Variants in ITGAL observed in about 807,000 individuals in gnomAD.
ITGAL encodes the protein integrin alpha-L.
In ITGAL, 68 loss-of-function variants were observed where a neutral mutation model predicts 138.4. The observed-to-expected ratio is 0.49, with a 90% CI of 0.40 to 0.60. ITGAL has a LOEUF of 0.60. ITGAL is among the 20% of genes least tolerant of loss of function. The pLI is 0.00. For missense variants in ITGAL, 1,256 were observed against 1,478.6 expected (o/e 0.85, Z 2.47); for synonymous variants, 561 against 584.3 (o/e 0.96, Z 0.57).
At chr16:30,517,498 T>G in intron 26 of ITGAL, 151 bp from the exon 27 acceptor site, 1 of 669,984 alleles carries the variant, frequency 1.5e-6, no homozygotes, top group Non-Finnish European at 2.7e-6. Flanking sequence ...GCTGGGTGTA[T>G]GGAGAGTAAG....
intron 29 of ITGAL, among the ~76,000 whole-genome samples, chr16:30,519,166 T>C (rs1032996725): frequency 6.6e-6 from 1 of 152,168 alleles, no homozygotes; most frequent in Admixed American, 6.5e-5. Context: ...GAGGTGGCAG[T>C]GAGCTGAGAT....
intron 9 of ITGAL, among the ~76,000 whole-genome samples, chr16:30,488,548 T>C (rs919826494): frequency 1.3e-5 from 2 of 151,022 alleles, no homozygotes; most frequent in Non-Finnish European, 3.0e-5. Context: ...CTACTAAAAA[T>C]ACAAAAATTA....
chr16:30,473,989 C>A, intron 1 of ITGAL: 1 of 688,456 alleles, frequency 1.5e-6, no homozygotes, highest in South Asian at 1.5e-5. Flanking sequence ...AAGTTGTATC[C>A]TCAGGCCCTG....
intron 17 of ITGAL, among the ~76,000 whole-genome samples, chr16:30,500,031 G>A (rs966124853): frequency 6.7e-5 from 10 of 148,484 alleles, no homozygotes; most frequent in African/African-American, 2.0e-4. Flanking sequence ...TTACAGGCAT[G>A]AGCCATCGCT....
At chr16:30,485,814 G>A (rs1309315937) in intron 9 of ITGAL, among the ~76,000 whole-genome samples, 4 of 152,150 alleles carry the variant, frequency 2.6e-5, no homozygotes, top group East Asian at 3.9e-4. Flanking sequence ...GATTACAGGC[G>A]TGAGCCACTG....
chr16:30,494,430 C>A lies in ITGAL; in HGVS notation c.1365+67C>A. 2 of 1,473,634 alleles carry A rather than the reference C, an allele frequency of 1.4e-6. No homozygotes were observed. Among genetic ancestry groups the A allele is most frequent in the African/African-American group, 1.4e-5 (1 of 71,740 alleles). The allele number at this position is 1,473,634 out of a possible 1,614,324, so 91.3% of individuals were successfully genotyped here. A position where few individuals can be genotyped will look rare whatever the true frequency, so the allele number is the denominator to read the frequency against. ...GGACACACATCACACTCCCTTCTGT[C>A]CTTTGAATGCTCATCCACTTACCAT... On this transcript the variant is annotated intron_variant, in intron 12 of 30. Coordinates refer to ENST00000356798, the MANE Select transcript of ITGAL (RefSeq NM_002209.3). The surrounding 1 kb of genome is among the most constrained non-coding windows in gnomAD (Gnocchi z 4.2).
intron 23 of ITGAL, 30 bp downstream of exon 23, chr16:30,510,990 T>C (rs769528671): frequency 1.9e-6 from 3 of 1,611,766 alleles, no homozygotes; most frequent in Non-Finnish European, 2.5e-6. Flanking sequence ...ATCCCTGCCA[T>C]GGTCTCAGAC....
intron 28 of ITGAL, 52 bp from the exon 29 acceptor site, chr16:30,518,572 T>TGGGTTCTGTCCTCGTTCTCCC: frequency 7.6e-7 from 1 of 1,308,160 alleles, no homozygotes; most frequent in East Asian, 2.3e-5. Context: ...CAAAAGCCAG[T>TGGGTTCTGTCCTCGTTCTCCC]GGGTTCTGTC....
At chr16:30,505,078 G>A (rs930011055) in intron 18 of ITGAL, 166 bp from the exon 19 acceptor site, 4 of 495,436 alleles carry the variant, frequency 8.1e-6, no homozygotes, top group Non-Finnish European at 1.1e-5. Flanking sequence ...GCAGTAGGCT[G>A]AGGCAGCAGA....
chr16:30,522,293 C>T lies in ITGAL; in HGVS notation c.*628C>T, dbSNP rs149436585. ...CCTTTCTCCCAGGCCAGGCTCCTTC[C>T]TGTCTTCCTGCATTCACCCAGACAG... On this transcript the variant is annotated 3_prime_UTR_variant, in exon 31 of 31. Coordinates refer to ENST00000356798, the MANE Select transcript of ITGAL (RefSeq NM_002209.3). This position sits in a 1 kb window ranked among gnomAD's most constrained non-coding sequence, Gnocchi z 4.0. 6.5e-6 allele frequency: 1 copy of T among 152,732 alleles called. No individual in the cohort carries two copies. Among genetic ancestry groups the T allele is most frequent in the South Asian group, 2.1e-4 (1 of 4,832 alleles). 9.5% of individuals were successfully genotyped at this position (152,732 alleles called of 1,614,324 possible). A position where few individuals can be genotyped will look rare whatever the true frequency, so the allele number is the denominator to read the frequency against.
intron 2 of ITGAL, chr16:30,474,693 T>G (rs530010539): frequency 3.8e-5 from 7 of 184,114 alleles, no homozygotes; most frequent in Admixed American, 3.8e-4. Flanking sequence ...AATCAAGGAT[T>G]GAATGAATGT....
rs77787455 is a variant in ITGAL, at chr16:30,475,704, G to A, written c.327+124G>A. 166 of 466,892 alleles carry A rather than the reference G, an allele frequency of 3.6e-4. No homozygotes were observed. In the African/African-American group the frequency reaches 3.6e-3, roughly 10 times the overall value. 28.9% of individuals were successfully genotyped at this position (466,892 alleles called of 1,614,324 possible). On this transcript the variant is annotated intron_variant, in intron 4 of 30. Coordinates refer to ENST00000356798, the MANE Select transcript of ITGAL (RefSeq NM_002209.3). ...TGGTCAAAGGCATCAGAGTCAATTA[G>A]TGTTTATTGAGAACCAATGATGAAC...
At position 30,475,104 on chromosome 16, in the gene ITGAL, C is replaced by T. The variant is rs189682476; in HGVS notation, c.165-202C>T. ...AAGTTCCTGACCTCAGGTGATCCAC[C>T]GACATCGGCCTCCCAAAGTACTTTG... On this transcript the variant is annotated intron_variant, in intron 2 of 30. Coordinates refer to ENST00000356798, the MANE Select transcript of ITGAL (RefSeq NM_002209.3). Among the ~76,000 whole-genome samples the T allele has an allele frequency of 3.9e-5, 6 of 152,182 alleles. No individual in the cohort carries two copies. In the South Asian group the frequency reaches 6.2e-4, roughly 16 times the overall value.
rs1406300084 is a variant in ITGAL, at chr16:30,479,126, G to C, written c.363G>C (p.Gln121His). 1.9e-6 allele frequency: 3 copies of C among 1,614,022 alleles called. No individual in the cohort carries two copies. The highest frequency in any genetic ancestry group is 2.5e-6 in the Non-Finnish European group (3 of 1,180,042). ...CDPGLSRTCDQNTYLSGLCYL... is the reference protein window; with the variant it reads ...CDPGLSRTCDHNTYLSGLCYL... ...CTGGGCTGTCTCGAACGTGTGACCA[G>C]AACACCTATCTGAGTGGCCTGTGTT... is the stretch of plus-strand genomic sequence containing the variant. The change falls in exon 5 of 31, where the codon CAG becomes CAC. Residue 121 changes from glutamine (Q) to histidine (H), a missense_variant. This residue lies in a region of ITGAL where 212 missense variants were observed against 217.4 expected (regional missense o/e 0.98). Coordinates refer to ENST00000356798, the MANE Select transcript of ITGAL (RefSeq NM_002209.3).
chr16:30,522,258 G>A lies in ITGAL; in HGVS notation c.*593G>A, dbSNP rs778903121. 5.2e-5 allele frequency: 8 copies of A among 152,630 alleles called. No individual in the cohort carries two copies. The highest frequency in any genetic ancestry group is 6.8e-3 in the Middle Eastern group (2 of 294). The allele number at this position is 152,630 out of a possible 1,614,324, so 9.5% of individuals were successfully genotyped here. On this transcript the variant is annotated 3_prime_UTR_variant, in exon 31 of 31. Transcript: ENST00000356798. This position sits in a 1 kb window ranked among gnomAD's most constrained non-coding sequence, Gnocchi z 4.0. ...GTGATGCCTCCCTGTTGAAGCTCTG[G>A]TGACACCAGCCTTTCTCCCAGGCCA...
chr16:30,520,520 A>G (rs1159489762), intron 30 of ITGAL, among the ~76,000 whole-genome samples: 2 of 152,184 alleles, frequency 1.3e-5, no homozygotes, highest in Non-Finnish European at 2.9e-5. Flanking sequence ...CTGGGAGAGG[A>G]AAAGGAAGTA....
chr16:30,517,822 G>T lies in ITGAL; in HGVS notation c.3059G>T (p.Arg1020Leu), dbSNP rs59353760. Residue 1020 changes from arginine (R) to leucine (L), a missense_variant, in exon 28 of 31, where the codon CGC (arginine) becomes CTC (leucine). This residue lies in a region of ITGAL where 867 missense variants were observed against 972.5 expected (regional missense o/e 0.89). Coordinates refer to ENST00000356798, the MANE Select transcript of ITGAL (RefSeq NM_002209.3). ...AEPCLPGALF[R>L]CPVVFRQEIL... The stretch of plus-strand genomic sequence containing the variant: ...CCTTGTCTCCCCGGAGCCCTGTTCC[G>T]CTGCCCTGTTGTCTTCAGGCAGGAG... 2 of 1,614,124 alleles carry T rather than the reference G, an allele frequency of 1.2e-6. No homozygotes were observed. The highest frequency in any genetic ancestry group is 1.7e-6 in the Non-Finnish European group (2 of 1,180,024).
Position 30,494,578 on chromosome 16 carries a change from C to A in ITGAL, c.1366-135C>A. 2.5e-6 allele frequency: 3 copies of A among 1,201,716 alleles called. No homozygotes were observed. Among genetic ancestry groups the A allele is most frequent in the Non-Finnish European group, 3.4e-6 (3 of 877,448 alleles). 74.4% of individuals were successfully genotyped at this position (1,201,716 alleles called of 1,614,324 possible). ...AAAGAGCCCACCTTGTCTTAACGCA[C>A]ATAGACTAGGGGTGGATCCAAGATT... is the stretch of plus-strand genomic sequence containing the variant. On this transcript the variant is annotated intron_variant, in intron 12 of 30. Coordinates refer to ENST00000356798, the MANE Select transcript of ITGAL (RefSeq NM_002209.3). The surrounding 1 kb of genome is among the most constrained non-coding windows in gnomAD (Gnocchi z 4.2).
At chr16:30,504,008 G>T (rs2050946117) in intron 17 of ITGAL, 167 bp from the exon 18 acceptor site, 2 of 583,648 alleles carry the variant, frequency 3.4e-6, no homozygotes, top group Non-Finnish European at 6.2e-6. Flanking sequence ...CCCTGGGTGT[G>T]CTGTACACAC....
Sources: allele counts gnomAD v4.1 joint callset (sites outside exome capture counted in the v4.1 genomes callset), GRCh38; gene constraint gnomAD v4.1.1; regional missense constraint gnomAD v4.1.1; non-coding constraint Gnocchi (gnomAD v3.1); transcripts MANE v1.5; gene names NCBI Gene and HGNC (gene_info 2026-07-23, HGNC 2026-07-21).